Variants in NTN1 observed in about 807,000 individuals in gnomAD.
NTN1 encodes netrin-1.
NTN1 carries 11 observed loss-of-function variants against 54.2 expected under a neutral mutation model. The ratio of observed to expected loss-of-function variants is 0.20; its 90% CI spans 0.13 to 0.34. NTN1 has a LOEUF of 0.34. Ranked by LOEUF, NTN1 falls within the 10% of genes least tolerant of loss-of-function variation. The pLI, the probability that NTN1 is intolerant of heterozygous loss-of-function variation, is 1.00. For synonymous variants in NTN1, 371 were observed against 382.0 expected, an observed-to-expected ratio of 0.97 and a Z score of 0.33; for missense variants, 740 against 893.1, an observed-to-expected ratio of 0.83 and a Z score of 2.18.
chr17:9,169,603 G>A (rs948841667), intron 3 of NTN1, among the ~76,000 whole-genome samples: 7 of 152,198 alleles, frequency 4.6e-5, no homozygotes, highest in African/African-American at 9.6e-5. Context: ...GGTGGCTCAC[G>A]CCTGTAATCC....
At chr17:9,112,162 TC>T (rs2092193757) in intron 2 of NTN1, among the ~76,000 whole-genome samples, 2 of 152,206 alleles carry the variant, frequency 1.3e-5, no homozygotes, top group Non-Finnish European at 2.9e-5. Flanking sequence ...TGTGGCTGTA[TC>T]CCCTGCAAGG....
At chr17:9,230,581 G>C (rs115707734) in intron 6 of NTN1, among the ~76,000 whole-genome samples, 1 of 152,166 alleles carries the variant, frequency 6.6e-6, no homozygotes, top group Admixed American at 6.5e-5. Flanking sequence ...ATGACAGCTC[G>C]ACAGAAAAGC....
At chr17:9,008,844 T>C in the NTN1 span, among the ~76,000 whole-genome samples, 1 of 152,290 alleles carries the variant, frequency 6.6e-6, no homozygotes, top group East Asian at 1.9e-4. Flanking sequence ...GGGGACTATG[T>C]CTGACTAGGG....
the NTN1 span, among the ~76,000 whole-genome samples, chr17:9,016,339 C>T: frequency 1.8e-4 from 25 of 142,240 alleles, no homozygotes; most frequent in Admixed American, 2.1e-4. Context: ...CATTCTGCCT[C>T]ACAGCAGAAG....
intron 2 of NTN1, among the ~76,000 whole-genome samples, chr17:9,080,960 G>A (rs1233451036): frequency 1.3e-5 from 2 of 152,074 alleles, no homozygotes; most frequent in African/African-American, 4.8e-5. Flanking sequence ...ATAATTAACC[G>A]GCAAATGTGT....
At chr17:9,203,672 G>A (rs1352638572) in intron 5 of NTN1, among the ~76,000 whole-genome samples, 1 of 151,980 alleles carries the variant, frequency 6.6e-6, no homozygotes, top group Non-Finnish European at 1.5e-5. Context: ...GCGTGGTGGT[G>A]GGCGCCTGTA....
chr17:9,201,993 C>T (rs1448057762), intron 5 of NTN1, among the ~76,000 whole-genome samples: 3 of 129,332 alleles, frequency 2.3e-5, no homozygotes, highest in South Asian at 2.6e-4. Flanking sequence ...CAAGAGCAGC[C>T]TGGTCAATAT....
intron 2 of NTN1, among the ~76,000 whole-genome samples, chr17:9,143,748 C>G (rs570050839): frequency 6.6e-6 from 1 of 152,320 alleles, no homozygotes; most frequent in Non-Finnish European, 1.5e-5. Context: ...CACGCCAATG[C>G]TGGAACAGTC....
chr17:9,055,531 G>A (rs865786677), intron 2 of NTN1, among the ~76,000 whole-genome samples: 56 of 152,196 alleles, frequency 3.7e-4, no homozygotes, highest in African/African-American at 1.3e-3. Flanking sequence ...AGGAGAAGGA[G>A]CCAACCCTGC....
chr17:9,239,358 G>C lies in NTN1; in HGVS notation c.1487-282G>C, dbSNP rs1906105004. Among the ~76,000 whole-genome samples the C allele has an allele frequency of 6.6e-6, 1 of 152,202 alleles. No homozygotes were observed. The highest frequency in any genetic ancestry group is 2.4e-5 in the African/African-American group (1 of 41,462). On this transcript the variant is annotated intron_variant, in intron 6 of 6. Transcript: ENST00000173229. This position sits in a 1 kb window ranked among gnomAD's most constrained non-coding sequence, Gnocchi z 5.2. Reference sequence around the variant, plus strand: ...GCTGGGGGCGTGGTCAGCACCTGTAGGCTTCCTGGACAAAGTGGGCCTTGA... The same window carrying C: ...GCTGGGGGCGTGGTCAGCACCTGTACGCTTCCTGGACAAAGTGGGCCTTGA...
chr17:9,080,960 G>T (rs1233451036), intron 2 of NTN1, among the ~76,000 whole-genome samples: 1 of 152,074 alleles, frequency 6.6e-6, no homozygotes, highest in Non-Finnish European at 1.5e-5. Context: ...ATAATTAACC[G>T]GCAAATGTGT....
chr17:9,222,214 A>C (rs1174758423), intron 6 of NTN1, among the ~76,000 whole-genome samples: 10 of 152,178 alleles, frequency 6.6e-5, no homozygotes, highest in Admixed American at 6.5e-4. Context: ...ACGAAAGTCC[A>C]CATCTGCCCA....
intron 2 of NTN1, among the ~76,000 whole-genome samples, chr17:9,146,917 C>T (rs1052226542): frequency 1.1e-4 from 17 of 152,050 alleles, no homozygotes; most frequent in African/African-American, 4.1e-4. Flanking sequence ...GGGTAATACC[C>T]CGGCATCGGT....
At position 9,022,816 on chromosome 17, in the gene NTN1, G is replaced by C; in HGVS notation, c.443G>C (p.Ser148Thr). 6.2e-7 allele frequency: 1 copy of C among 1,611,538 alleles called. No individual in the cohort carries two copies. Among genetic ancestry groups the C allele is most frequent in the Non-Finnish European group, 8.5e-7 (1 of 1,179,476 alleles). The stretch of plus-strand genomic sequence containing the variant: ...AAGAAGTTCGAAGTGACCTACGTGA[G>C]CCTGCAGTTCTGCTCGCCGCGGCCC... ...LGKKFEVTYV[S>T]LQFCSPRPES... Residue 148 changes from serine to threonine, a missense_variant, in exon 2 of 7, where the codon AGC (serine) becomes ACC (threonine). Ser to Thr is a moderately conservative substitution (Grantham distance 58). Coordinates refer to ENST00000173229, the MANE Select transcript of NTN1 (RefSeq NM_004822.3).
chr17:9,110,929 A>ATT (rs2092188156), intron 2 of NTN1, among the ~76,000 whole-genome samples: 1 of 117,818 alleles, frequency 8.5e-6, no homozygotes, highest in African/African-American at 3.5e-5. Flanking sequence ...TAAATTCAGG[A>ATT]TCTTTTTTTT....
At chr17:9,063,648 T>C (rs886327705) in intron 2 of NTN1, among the ~76,000 whole-genome samples, 6 of 151,662 alleles carry the variant, frequency 4.0e-5, no homozygotes, top group South Asian at 2.1e-4. Context: ...CCCGGGTTCA[T>C]GCCATTCTCC....
intron 4 of NTN1, among the ~76,000 whole-genome samples, chr17:9,182,206 T>G (rs2092420463): frequency 7.1e-6 from 1 of 140,322 alleles, no homozygotes; most frequent in Non-Finnish European, 1.6e-5. Context: ...TGCAAACTCC[T>G]GGCCTCAAGC....
intron 2 of NTN1, among the ~76,000 whole-genome samples, chr17:9,147,404 A>G (rs1329769453): frequency 2.6e-5 from 4 of 152,198 alleles, no homozygotes; most frequent in Non-Finnish European, 5.9e-5. Flanking sequence ...AGTCCCAGCT[A>G]CTAGGGAGGC....
intron 2 of NTN1, among the ~76,000 whole-genome samples, chr17:9,117,041 A>C (rs1029966438): frequency 6.6e-6 from 1 of 152,120 alleles, no homozygotes; most frequent in African/African-American, 2.4e-5. Context: ...GGATGGCCCC[A>C]CTGGGCGGGG....
Sources: gnomAD v4.1 joint callset for allele counts (sites outside exome capture counted in the v4.1 genomes callset) on GRCh38, gnomAD v4.1.1 for gene constraint, Gnocchi (gnomAD v3.1) non-coding constraint, MANE v1.5 for transcripts, NCBI Gene and HGNC (gene_info 2026-07-23, HGNC 2026-07-21) for gene names.